Variants in EXOC4 observed in about 807,000 individuals in gnomAD.
EXOC4 encodes the protein exocyst complex component 4.
In EXOC4, 71 loss-of-function variants were observed where a neutral mutation model predicts 107.2. The observed-to-expected ratio is 0.66, with a 90% CI of 0.55 to 0.81. The LOEUF (loss-of-function observed/expected upper bound fraction) is 0.81, where lower values mean the gene tolerates loss of function less well. Ranked by LOEUF, EXOC4 falls within the 30% of genes least tolerant of loss-of-function variation. The pLI is 0.00. For missense variants in EXOC4, 1,108 were observed against 1,189.6 expected, an observed-to-expected ratio of 0.93 and a Z score of 1.01; for synonymous variants, 456 against 441.2, an observed-to-expected ratio of 1.03 and a Z score of -0.42.
intron 10 of EXOC4, among the ~76,000 whole-genome samples, chr7:133,709,917 T>G (rs1159754789): frequency 2.0e-5 from 3 of 152,172 alleles, no homozygotes; most frequent in Admixed American, 6.5e-5. Flanking sequence ...ATTACTGTGA[T>G]TATTGTTATT....
intron 7 of EXOC4, among the ~76,000 whole-genome samples, chr7:133,446,584 A>G (rs1175588818): frequency 6.6e-6 from 1 of 152,234 alleles, no homozygotes; most frequent in East Asian, 1.9e-4. Flanking sequence ...CCTTGATGAA[A>G]TAAGTACAGA....
intron 15 of EXOC4, among the ~76,000 whole-genome samples, chr7:133,999,872 T>C (rs1794491656): frequency 1.3e-5 from 2 of 152,314 alleles, no homozygotes; most frequent in East Asian, 3.9e-4. Context: ...ATCTTGGCAA[T>C]ACTCTTCTTA....
At chr7:133,440,923 A>T (rs1053179794) in intron 7 of EXOC4, among the ~76,000 whole-genome samples, 1 of 152,138 alleles carries the variant, frequency 6.6e-6, no homozygotes. Context: ...TACTTTCTTA[A>T]TAAAACTTGC....
rs866150551 is a variant in EXOC4 at position 133,423,090 on chromosome 7, C to T, written c.1182+48088C>T. Among the ~76,000 whole-genome samples, 9 of 35,692 alleles carry T rather than the reference C, an allele frequency of 2.5e-4. 4 individuals carry two copies. In the East Asian group the frequency reaches 9.1e-3, roughly 36 times the overall value. 23.4% of individuals were successfully genotyped at this position (35,692 alleles called of 152,430 possible). A position where few individuals can be genotyped will look rare whatever the true frequency, so the allele number is the denominator to read the frequency against. ...AAAATTAGCCGGGCGCGGTGGCGGG[C>T]GCCTGTAGTCCCAGCTACTGGGGAG... On this transcript the variant is annotated intron_variant, in intron 7 of 17. Transcript: ENST00000253861.
chr7:133,817,262 A>G (rs1176800932), intron 10 of EXOC4, 63 bp from the exon 11 acceptor site: 1 of 1,159,552 alleles, frequency 8.6e-7, no homozygotes, highest in Non-Finnish European at 1.3e-6. Context: ...TCATGTCCTC[A>G]TGTCGTATTT....
intron 9 of EXOC4, among the ~76,000 whole-genome samples, chr7:133,554,526 G>A (rs1253347005): frequency 2.6e-5 from 4 of 152,120 alleles, no homozygotes; most frequent in Non-Finnish European, 4.4e-5. Context: ...CTAAATTGAT[G>A]CCTTTTCTTT....
intron 15 of EXOC4, among the ~76,000 whole-genome samples, chr7:134,000,225 T>C (rs960229889): frequency 1.3e-5 from 2 of 152,158 alleles, no homozygotes; most frequent in African/African-American, 2.4e-5. Flanking sequence ...AAGGCTCGGA[T>C]AGTGAATGTA....
chr7:133,253,393 A>C, intron 1 of EXOC4: 1 of 1,325,532 alleles, frequency 7.5e-7, no homozygotes. Context: ...TAGAGAGAGG[A>C]GCCCCGCCTC....
chr7:133,970,560 A>G (rs1405943892), intron 14 of EXOC4, among the ~76,000 whole-genome samples: 4 of 152,040 alleles, frequency 2.6e-5, no homozygotes. Flanking sequence ...ACTATACCTC[A>G]CAGCACAGTC....
At chr7:133,622,946 G>A (rs895850600) in intron 9 of EXOC4, among the ~76,000 whole-genome samples, 1 of 152,120 alleles carries the variant, frequency 6.6e-6, no homozygotes, top group African/African-American at 2.4e-5. Flanking sequence ...CTCTATGTGT[G>A]ACCTTGAGCA....
At chr7:133,855,114 AAT>A (rs760294262) in intron 11 of EXOC4, among the ~76,000 whole-genome samples, 3,382 of 90,242 alleles carry the variant, frequency 0.037, 195 homozygotes, top group African/African-American at 0.09. Flanking sequence ...AATATATATA[AAT>A]ATATATATAT....
intron 13 of EXOC4, among the ~76,000 whole-genome samples, chr7:133,936,639 C>G (rs1222795796): frequency 6.6e-6 from 1 of 152,066 alleles, no homozygotes; most frequent in Non-Finnish European, 1.5e-5. Flanking sequence ...TCTCAGTCAT[C>G]TTTTTTGTTT....
chr7:133,844,378 C>CATTTTTTT (rs1371732321), intron 11 of EXOC4, among the ~76,000 whole-genome samples: 2 of 83,346 alleles, frequency 2.4e-5, no homozygotes, highest in Non-Finnish European at 4.4e-5. Flanking sequence ...CCACATATTC[C>CATTTTTTT]TTTTTTTTTT....
intron 2 of EXOC4, among the ~76,000 whole-genome samples, chr7:133,284,840 GA>G (rs1370330737): frequency 1.3e-5 from 2 of 152,030 alleles, no homozygotes; most frequent in Non-Finnish European, 2.9e-5. Context: ...CGGCCTGAGA[GA>G]TATGTTTAAA....
chr7:134,094,610 G>T, the EXOC4 span, among the ~76,000 whole-genome samples: 1 of 151,674 alleles, frequency 6.6e-6, no homozygotes, highest in Non-Finnish European at 1.5e-5. Flanking sequence ...AAGACACAAC[G>T]AAAAAAGGAA....
At chr7:133,961,362 C>G (rs1800940590) in intron 14 of EXOC4, among the ~76,000 whole-genome samples, 1 of 142,818 alleles carries the variant, frequency 7.0e-6, no homozygotes, top group African/African-American at 2.6e-5. Flanking sequence ...TTTCGGCTCA[C>G]TGCAACCTCT....
At chr7:133,437,688 T>A (rs1798007462) in intron 7 of EXOC4, among the ~76,000 whole-genome samples, 1 of 152,220 alleles carries the variant, frequency 6.6e-6, no homozygotes, top group Non-Finnish European at 1.5e-5. Context: ...TCCACAAGTG[T>A]GTGCATGAAT....
intron 10 of EXOC4, among the ~76,000 whole-genome samples, chr7:133,675,152 G>C (rs906003641): frequency 2.0e-5 from 3 of 152,122 alleles, no homozygotes; most frequent in Admixed American, 2.0e-4. Context: ...TTGGAGGGTT[G>C]TGTTTTTGGT....
At chr7:133,552,008 G>A (rs1203354837) in intron 9 of EXOC4, among the ~76,000 whole-genome samples, 2 of 151,998 alleles carry the variant, frequency 1.3e-5, no homozygotes, top group Non-Finnish European at 2.9e-5. Context: ...AGATCATTTT[G>A]GACATTTTTA....
Sources: allele counts gnomAD v4.1 joint callset (sites outside exome capture counted in the v4.1 genomes callset), GRCh38; gene constraint gnomAD v4.1.1; transcripts MANE v1.5; gene names NCBI Gene and HGNC (gene_info 2026-07-23, HGNC 2026-07-21).